Variants in PTPRD observed in about 807,000 individuals in gnomAD.
PTPRD encodes the protein receptor-type tyrosine-protein phosphatase delta.
In PTPRD, 34 loss-of-function variants were observed where a neutral mutation model predicts 214.5. That is an observed-to-expected ratio of 0.16 (90% confidence interval 0.12 to 0.21). The LOEUF (loss-of-function observed/expected upper bound fraction) is 0.21, where lower values mean the gene tolerates loss of function less well. Ranked by LOEUF, PTPRD falls within the 10% of genes least tolerant of loss-of-function variation. PTPRD has a pLI of 1.00. For synonymous variants in PTPRD, 1,128 were observed against 845.7 expected (o/e 1.33, Z -5.79); for missense variants, 2,545 against 2,398.7 (o/e 1.06, Z -1.27).
chr9:9,930,679 T>C (rs2086186950), intron 5 of PTPRD, among the ~76,000 whole-genome samples: 1 of 152,150 alleles, frequency 6.6e-6, no homozygotes, highest in African/African-American at 2.4e-5. Context: ...TATATCAGTA[T>C]GGCTATTCTG....
intron 29 of PTPRD, 36 bp downstream of exon 29, chr9:8,485,191 T>C (rs1216377144): frequency 1.3e-6 from 2 of 1,577,500 alleles, no homozygotes; most frequent in African/African-American, 1.3e-5. Flanking sequence ...CCTCTACTTT[T>C]ATCTGTGATT....
rs773174238 is a variant in PTPRD, at chr9:9,892,092, T to C, written c.-368+46415A>G. ...CATTCATTCATAAAATGAGTATTTA[T>C]TGAATGCCTACCAGGTTCCAGGCCT... On this transcript the variant is annotated intron_variant, in intron 5 of 45. Coordinates refer to ENST00000381196, the MANE Select transcript of PTPRD (RefSeq NM_002839.4). Among the ~76,000 whole-genome samples the C allele has an allele frequency of 2.0e-4, 30 of 152,218 alleles. 1 individual carries two copies. The highest frequency in any genetic ancestry group is 3.4e-3 in the Middle Eastern group (1 of 294).
At chr9:9,262,614 T>C (rs1047547431) in intron 9 of PTPRD, among the ~76,000 whole-genome samples, 2 of 151,550 alleles carry the variant, frequency 1.3e-5, no homozygotes, top group African/African-American at 4.8e-5. Flanking sequence ...AATGCCCTTG[T>C]ATAGAAATGG....
chr9:10,088,204 T>C (rs1414094175), intron 3 of PTPRD, among the ~76,000 whole-genome samples: 1 of 151,784 alleles, frequency 6.6e-6, no homozygotes, highest in African/African-American at 2.4e-5. Flanking sequence ...TATATCTTCA[T>C]GACAATCCAC....
chr9:8,778,806 A>G (rs1191366884), intron 11 of PTPRD, among the ~76,000 whole-genome samples: 1 of 152,210 alleles, frequency 6.6e-6, no homozygotes, highest in African/African-American at 2.4e-5. Flanking sequence ...TTATCACATA[A>G]AAATGGAAAT....
intron 10 of PTPRD, among the ~76,000 whole-genome samples, chr9:9,135,059 G>A (rs930956503): frequency 1.3e-5 from 2 of 152,130 alleles, no homozygotes; most frequent in African/African-American, 4.8e-5. Context: ...ATTAATTTGA[G>A]ATCACATGTC....
intron 8 of PTPRD, among the ~76,000 whole-genome samples, chr9:9,569,843 T>A (rs528415420): frequency 6.6e-6 from 1 of 151,538 alleles, no homozygotes; most frequent in East Asian, 1.9e-4. Context: ...TAATCAGAAT[T>A]ATGTGTGAGC....
chr9:8,318,875 A>T (rs931140483), intron 45 of PTPRD, among the ~76,000 whole-genome samples: 11 of 152,086 alleles, frequency 7.2e-5, no homozygotes, highest in Non-Finnish European at 1.2e-4. Flanking sequence ...CCATAAAAGA[A>T]ACCTATTTTC....
intron 2 of PTPRD, among the ~76,000 whole-genome samples, chr9:10,516,454 T>C (rs961554593): frequency 2.6e-5 from 4 of 151,980 alleles, no homozygotes; most frequent in Non-Finnish European, 5.9e-5. Flanking sequence ...AGGAGTTCCT[T>C]ATGTATATTA....
intron 2 of PTPRD, among the ~76,000 whole-genome samples, chr9:10,392,859 A>G (rs1260190701): frequency 1.3e-5 from 2 of 151,876 alleles, no homozygotes; most frequent in African/African-American, 4.8e-5. Flanking sequence ...GCTGGAATAG[A>G]AAGAATGGAG....
chr9:8,821,787 C>T (rs1406361439), intron 11 of PTPRD, among the ~76,000 whole-genome samples: 1 of 152,188 alleles, frequency 6.6e-6, no homozygotes, highest in Non-Finnish European at 1.5e-5. Flanking sequence ...GCCTCAGCCT[C>T]CCGAGTAGCT....
At chr9:10,140,337 T>C (rs1391003144) in intron 3 of PTPRD, among the ~76,000 whole-genome samples, 2 of 145,308 alleles carry the variant, frequency 1.4e-5, no homozygotes, top group Admixed American at 6.9e-5. Flanking sequence ...TAAAAAAAAA[T>C]TGATAGACCG....
intron 8 of PTPRD, among the ~76,000 whole-genome samples, chr9:9,551,629 C>G (rs1009601562): frequency 6.6e-6 from 1 of 151,934 alleles, no homozygotes; most frequent in Non-Finnish European, 1.5e-5. Context: ...CTCAGTACAT[C>G]CTTTGTTCTT....
At chr9:10,245,445 A>C (rs1169532377) in intron 3 of PTPRD, among the ~76,000 whole-genome samples, 1 of 152,194 alleles carries the variant, frequency 6.6e-6, no homozygotes, top group African/African-American at 2.4e-5. Context: ...GACTCCGTAC[A>C]CAATGCATAC....
chr9:9,396,798 TAG>T (rs750167552), intron 9 of PTPRD, among the ~76,000 whole-genome samples: 20 of 152,054 alleles, frequency 1.3e-4, no homozygotes, highest in Non-Finnish European at 2.9e-5. Flanking sequence ...CAATTTTATG[TAG>T]AGTCTTCTTT....
intron 5 of PTPRD, among the ~76,000 whole-genome samples, chr9:9,793,950 G>A (rs777040335): frequency 7.9e-5 from 12 of 152,060 alleles, no homozygotes; most frequent in Middle Eastern, 6.8e-3. Context: ...GTATCAAAGA[G>A]CTGAAGAATA....
chr9:10,594,914 G>C (rs146531139), intron 2 of PTPRD, among the ~76,000 whole-genome samples: 1 of 152,096 alleles, frequency 6.6e-6, no homozygotes, highest in South Asian at 2.1e-4. Context: ...TAAAGAGATA[G>C]AAGTGATACA....
chr9:8,401,140 G>A (rs1455432634), intron 36 of PTPRD, among the ~76,000 whole-genome samples: 3 of 150,394 alleles, frequency 2.0e-5, no homozygotes, highest in East Asian at 3.9e-4. Flanking sequence ...GCTTCCATTT[G>A]GTCTTTATTT....
chr9:9,507,123 T>A (rs72706516), intron 8 of PTPRD, among the ~76,000 whole-genome samples: 6,827 of 151,404 alleles, frequency 0.045, 161 homozygotes, highest in Middle Eastern at 0.16. Context: ...AAAGATGAAA[T>A]TTTAAAAAGA....
Sources: allele counts gnomAD v4.1 joint callset (sites outside exome capture counted in the v4.1 genomes callset), GRCh38; gene constraint gnomAD v4.1.1; transcripts MANE v1.5; gene names NCBI Gene and HGNC (gene_info 2026-07-23, HGNC 2026-07-21).